SUCLG2: variants seen among roughly 807,000 people sequenced by gnomAD.
SUCLG2 encodes the protein succinate--CoA ligase [GDP-forming] subunit beta, mitochondrial.
Under a neutral mutation model 47.9 loss-of-function variants are expected in SUCLG2, and 42 were observed. That is an observed-to-expected ratio of 0.88 (90% CI 0.69 to 1.14). The LOEUF (loss-of-function observed/expected upper bound fraction) is 1.14. SUCLG2 is among the 50% of genes most tolerant of loss of function. SUCLG2 has a pLI of 0.00. For synonymous variants in SUCLG2, 195 were observed against 197.3 expected, an observed-to-expected ratio of 0.99 and a Z score of 0.10; for missense variants, 571 against 525.9, an observed-to-expected ratio of 1.09 and a Z score of -0.84.
chr3:67,413,277 T>C (rs1043169351), intron 9 of SUCLG2, among the ~76,000 whole-genome samples: 26 of 152,338 alleles, frequency 1.7e-4, no homozygotes, highest in African/African-American at 6.0e-4. Flanking sequence ...TCATTCAGTT[T>C]ATTAGCCACA....
intron 9 of SUCLG2, among the ~76,000 whole-genome samples, chr3:67,423,018 G>A (rs1387803202): frequency 6.6e-6 from 1 of 152,136 alleles, no homozygotes; most frequent in Non-Finnish European, 1.5e-5. Flanking sequence ...GGCTGCCAGG[G>A]TTGATTTAGT....
At chr3:67,425,847 G>T (rs751688020) in intron 9 of SUCLG2, among the ~76,000 whole-genome samples, 1 of 152,164 alleles carries the variant, frequency 6.6e-6, no homozygotes, top group African/African-American at 2.4e-5. Context: ...CCATGATACT[G>T]CATAAACATT....
At chr3:67,455,888 T>C (rs1001351742) in intron 9 of SUCLG2, among the ~76,000 whole-genome samples, 3 of 152,250 alleles carry the variant, frequency 2.0e-5, no homozygotes, top group African/African-American at 2.4e-5. Flanking sequence ...CCTAAGGATA[T>C]GTGGGGTAAG....
intron 2 of SUCLG2, among the ~76,000 whole-genome samples, chr3:67,537,935 ATTTG>A (rs1348042629): frequency 6.6e-6 from 1 of 152,020 alleles, no homozygotes; most frequent in Non-Finnish European, 1.5e-5. Context: ...TTTCTTGTAA[ATTTG>A]TTTAAGTTCC....
intron 1 of SUCLG2, among the ~76,000 whole-genome samples, chr3:67,618,236 A>G (rs758213072): frequency 6.6e-6 from 1 of 152,150 alleles, no homozygotes; most frequent in African/African-American, 2.4e-5. Context: ...CCTGGCCAAC[A>G]TGGTGAAAGC....
At chr3:67,578,139 A>G (rs912649362) in intron 2 of SUCLG2, among the ~76,000 whole-genome samples, 6 of 151,256 alleles carry the variant, frequency 4.0e-5, no homozygotes, top group African/African-American at 1.5e-4. Context: ...TGATTGATTT[A>G]TAAGTTACAC....
chr3:67,466,523 T>C (rs1308794027), intron 9 of SUCLG2, among the ~76,000 whole-genome samples: 1 of 152,190 alleles, frequency 6.6e-6, no homozygotes, highest in Non-Finnish European at 1.5e-5. Context: ...GCAGTAAAAA[T>C]AAACTTAGTG....
chr3:67,619,639 C>T (rs948002203), intron 1 of SUCLG2, among the ~76,000 whole-genome samples: 18 of 152,138 alleles, frequency 1.2e-4, no homozygotes, highest in African/African-American at 4.3e-4. Context: ...AATTAAGATT[C>T]GCAAAGATAC....
In SUCLG2 at chr3:67,528,166, T is replaced by G. The variant is rs1268509400; in HGVS notation, c.383A>C (p.Lys128Thr). Residue 128 changes from lysine to threonine, a missense_variant, in exon 4 of 11, where the codon AAA (lysine) becomes ACA (threonine). By Grantham distance (78) the Lys-to-Thr change is moderately conservative. Transcript: ENST00000307227. ...KQMIGYNLAT[K>T]QTPKEGVKVN... The stretch of plus-strand genomic sequence containing the variant: ...TTTCACACCTTCTTTTGGAGTTTGT[T>G]TTGTCGCTAGATTGTACCCAATCAT... 6.2e-7 allele frequency: 1 copy of G among 1,613,814 alleles called. No individual in the cohort carries two copies. Among genetic ancestry groups the G allele is most frequent in the African/African-American group, 1.3e-5 (1 of 74,912 alleles).
intron 9 of SUCLG2, among the ~76,000 whole-genome samples, chr3:67,439,581 A>C (rs1027379134): frequency 6.6e-6 from 1 of 152,170 alleles, no homozygotes; most frequent in African/African-American, 2.4e-5. Context: ...GCATTCCTAT[A>C]CACCAATAAC....
chr3:67,382,578 G>T (rs1575659176), intron 10 of SUCLG2, among the ~76,000 whole-genome samples: 1 of 152,088 alleles, frequency 6.6e-6, no homozygotes, highest in South Asian at 2.1e-4. Flanking sequence ...TAAGAATAGG[G>T]TTTACATTTT....
chr3:67,617,902 A>G (rs910414381), intron 1 of SUCLG2, among the ~76,000 whole-genome samples: 3 of 152,226 alleles, frequency 2.0e-5, no homozygotes, highest in Admixed American at 6.5e-5. Flanking sequence ...TAACAAGTAG[A>G]TACCTGGCAA....
At chr3:67,439,166 G>A (rs1378970450) in intron 9 of SUCLG2, among the ~76,000 whole-genome samples, 2 of 152,144 alleles carry the variant, frequency 1.3e-5, no homozygotes, top group African/African-American at 2.4e-5. Flanking sequence ...ATGCAGAAAA[G>A]ACCTTTGATA....
chr3:67,427,953 C>G (rs1037119467), intron 9 of SUCLG2, among the ~76,000 whole-genome samples: 4 of 152,168 alleles, frequency 2.6e-5, no homozygotes, highest in Non-Finnish European at 4.4e-5. Context: ...AGTAGGTAAA[C>G]GAAGCAGCCA....
chr3:67,634,092 A>G (rs1700969501), intron 1 of SUCLG2, among the ~76,000 whole-genome samples: 1 of 152,164 alleles, frequency 6.6e-6, no homozygotes, highest in Non-Finnish European at 1.5e-5. Context: ...CCCTCCATAT[A>G]TTATCTAAGC....
chr3:67,515,056 C>T (rs561187225), intron 6 of SUCLG2, among the ~76,000 whole-genome samples: 8 of 152,154 alleles, frequency 5.3e-5, no homozygotes, highest in Admixed American at 2.6e-4. Flanking sequence ...ACTCACCCCA[C>T]GTCTTACCAT....
At chr3:67,392,980 G>C (rs1702426144) in intron 10 of SUCLG2, among the ~76,000 whole-genome samples, 1 of 151,958 alleles carries the variant, frequency 6.6e-6, no homozygotes, top group African/African-American at 2.4e-5. Flanking sequence ...ACACCTGAGA[G>C]ATCACTGTAC....
intron 4 of SUCLG2, among the ~76,000 whole-genome samples, chr3:67,526,908 G>A (rs1359402912): frequency 6.6e-6 from 1 of 152,080 alleles, no homozygotes. Context: ...ATTTGTAATA[G>A]CCAAAAACGA....
intron 9 of SUCLG2, among the ~76,000 whole-genome samples, chr3:67,463,774 T>A (rs1704396778): frequency 6.6e-6 from 1 of 152,172 alleles, no homozygotes; most frequent in South Asian, 2.1e-4. Flanking sequence ...TAACCAGAGA[T>A]TATGCCAGGG....
Sources: allele counts gnomAD v4.1 joint callset (sites outside exome capture counted in the v4.1 genomes callset), GRCh38; gene constraint gnomAD v4.1.1; transcripts MANE v1.5; gene names NCBI Gene and HGNC (gene_info 2026-07-23, HGNC 2026-07-21).